PSG4: variants seen among roughly 807,000 people sequenced by gnomAD.
PSG4 encodes the protein pregnancy specific beta-1-glycoprotein 4.
Under a neutral mutation model 44.3 loss-of-function variants are expected in PSG4, and 61 were observed. The ratio of observed to expected loss-of-function variants is 1.38; its 90% CI spans 1.12 to 1.70. PSG4 has a LOEUF of 1.70. PSG4 is among the 40% of genes most tolerant of loss of function. The pLI, the probability that PSG4 is intolerant of heterozygous loss-of-function variation, is 0.00. For missense variants in PSG4, 677 were observed against 511.7 expected (o/e 1.32, Z -3.12); for synonymous variants, 248 against 191.3 (o/e 1.30, Z -2.45).
chr19:43,204,599 T>C (rs1967674120), intron 1 of PSG4: 2 of 280,776 alleles, frequency 7.1e-6, no homozygotes, highest in South Asian at 4.7e-5. Flanking sequence ...TCAGAGACCC[T>C]GGGTCTTCCC....
intron 3 of PSG4, 144 bp from the exon 4 acceptor site, chr19:43,195,417 G>A: frequency 7.2e-7 from 1 of 1,388,162 alleles, no homozygotes; most frequent in Non-Finnish European, 9.8e-7. Flanking sequence ...TCACAAGATA[G>A]ATGCATGATG....
Position 43,204,607 on chromosome 19 carries a change from C to A in PSG4, c.65-356G>T, listed in dbSNP as rs950935108. 19 of 256,106 alleles carry A rather than the reference C, an allele frequency of 7.4e-5. 5 individuals carry two copies. Among genetic ancestry groups the A allele is most frequent in the African/African-American group, 4.7e-4 (18 of 38,484 alleles). 15.9% of individuals were successfully genotyped at this position (256,106 alleles called of 1,614,324 possible). A position where few individuals can be genotyped will look rare whatever the true frequency, so the allele number is the denominator to read the frequency against. ...ACCTCCTTCAGAGACCCTGGGTCTT[C>A]CCTTTCTGACCTTTCCCTGCTCTCC... On this transcript the variant is annotated intron_variant, in intron 1 of 5. Transcript: ENST00000405312.
chr19:43,205,537 G>A lies in PSG4; in HGVS notation c.-1C>T, dbSNP rs759017541. On this transcript the variant is annotated 5_prime_UTR_variant, in exon 1 of 6. Coordinates refer to ENST00000405312, the MANE Select transcript of PSG4 (RefSeq NM_002780.5). ...AGGGAGGGGCTGAGAGGGGCCCCAT[G>A]GTCTCTGCTGCTTGTGTGTTCTCCT... The A allele has an allele frequency of 3.2e-6, 5 of 1,550,386 alleles. 1 individual carries two copies. Among genetic ancestry groups the A allele is most frequent in the African/African-American group, 3.0e-5 (2 of 67,706 alleles).
At chr19:43,194,927 A>G (rs1599766402) in intron 4 of PSG4, 68 bp downstream of exon 4, 1 of 1,587,708 alleles carries the variant, frequency 6.3e-7, no homozygotes, top group East Asian at 2.2e-5. Flanking sequence ...AGAGACTGAG[A>G]GACCTGGCCT....
rs1342774612 is a variant in PSG4, at chr19:43,195,127, C to A, written c.856G>T (p.Val286Leu). Residue 286 changes from valine (V) to leucine (L), a missense_variant, in exon 4 of 6, where the codon GTA (valine) becomes TTA (leucine). Transcript: ENST00000405312. The stretch of plus-strand genomic sequence containing the variant: ...ATCCTGTTTTCAATGGGTCGCTTTA[C>A]CCTGGGACTGACAGGGAGGCTCTGA... The part of the protein sequence containing the change: ...NGQSLPVSPR[V>L]KRPIENRILI... 9 of 1,610,494 alleles carry A rather than the reference C, an allele frequency of 5.6e-6. No homozygotes were observed. The highest frequency in any genetic ancestry group is 7.6e-6 in the Non-Finnish European group (9 of 1,179,082).
rs59165427 is a variant in PSG4 at position 43,205,111 on chromosome 19, C to CTTTTTTTTTTTTTTTTTTTTTTTTT, written c.64+361_64+362insAAAAAAAAAAAAAAAAAAAAAAAAA. Among the ~76,000 whole-genome samples, 31 of 90,842 alleles carry CTTTTTTTTTTTTTTTTTTTTTTTTT rather than the reference C, an allele frequency of 3.4e-4. 3 individuals carry two copies. Among genetic ancestry groups the CTTTTTTTTTTTTTTTTTTTTTTTTT allele is most frequent in the African/African-American group, 9.3e-4 (18 of 19,426 alleles). The allele number at this position is 90,842 out of a possible 152,430, so 59.6% of individuals were successfully genotyped here. A position where few individuals can be genotyped will look rare whatever the true frequency, so the allele number is the denominator to read the frequency against. ...TTCTTTTTTCTTTTTTTCCTTTTTTCTTTTTTTTTTTTTTGAGACGGAGTC... is the reference window on the plus strand; with the variant it reads ...TTCTTTTTTCTTTTTTTCCTTTTTTCTTTTTTTTTTTTTTTTTTTTTTTTTTTTTTTTTTTTTTTGAGACGGAGTC... On this transcript the variant is annotated intron_variant, in intron 1 of 5. Transcript: ENST00000405312.
chr19:43,198,572 C>G (rs1376468113), intron 2 of PSG4: 8 of 419,490 alleles, frequency 1.9e-5, no homozygotes, highest in Non-Finnish European at 2.7e-5. Context: ...TGAGTTCCTC[C>G]GTCTCCAACT....
chr19:43,194,280 C>G, intron 5 of PSG4, 60 bp downstream of exon 5: 1 of 1,610,356 alleles, frequency 6.2e-7, no homozygotes, highest in Non-Finnish European at 8.5e-7. Context: ...TCACTCTTCC[C>G]TGAATGCCAG....
chr19:43,197,783 C>G (rs1375735974), intron 3 of PSG4: 1 of 1,010,540 alleles, frequency 9.9e-7, no homozygotes. Flanking sequence ...GCTGTGGAAC[C>G]TGAGTCTCCC....
chr19:43,194,104 A>T, intron 5 of PSG4: 2 of 1,297,512 alleles, frequency 1.5e-6, no homozygotes, highest in Non-Finnish European at 2.1e-6. Flanking sequence ...AATTATTTCA[A>T]TGAAATCAAT....
At position 43,197,682 on chromosome 19, in the gene PSG4, G is replaced by T. The variant is rs1372949771; in HGVS notation, c.709+315C>A. On this transcript the variant is annotated intron_variant, in intron 3 of 5. Transcript: ENST00000405312. ...TGTGGAAGGGCCACAGTGACCCTGT[G>T]AGCCAAGTCGCAACACTGAAGTCCC... 35 of 449,380 alleles carry T rather than the reference G, an allele frequency of 7.8e-5. 1 individual carries two copies. The highest frequency in any genetic ancestry group is 1.1e-4 in the Non-Finnish European group (29 of 261,876). 27.8% of individuals were successfully genotyped at this position (449,380 alleles called of 1,614,324 possible).
intron 2 of PSG4, among the ~76,000 whole-genome samples, chr19:43,201,938 G>A (rs1172835343): frequency 2.1e-5 from 3 of 144,416 alleles, no homozygotes; most frequent in Non-Finnish European, 4.5e-5. Flanking sequence ...CTCACAAAGG[G>A]AAAGAGCCCT....
chr19:43,193,771 T>C (rs1967107484), intron 5 of PSG4: 1 of 531,628 alleles, frequency 1.9e-6, no homozygotes, highest in South Asian at 2.5e-5. Flanking sequence ...GAATATAACA[T>C]CCCAGTCAAA....
chr19:43,196,580 G>T (rs1231461435), intron 3 of PSG4: 1 of 151,522 alleles, frequency 6.6e-6, no homozygotes, highest in African/African-American at 2.4e-5. Context: ...TTCAGCATCA[G>T]ATTAGTAGGC....
chr19:43,197,698 C>G (rs929889738), intron 3 of PSG4: 18 of 518,794 alleles, frequency 3.5e-5, no homozygotes, highest in Middle Eastern at 5.4e-4. Context: ...AGTCGCAACA[C>G]TGAAGTCCCA....
chr19:43,195,394 G>A, intron 3 of PSG4, 121 bp from the exon 4 acceptor site: 1 of 1,457,034 alleles, frequency 6.9e-7, no homozygotes, highest in Non-Finnish European at 9.3e-7. Flanking sequence ...AAAGCCAATA[G>A]CTGGTGCTTC....
intron 3 of PSG4, 133 bp downstream of exon 3, chr19:43,197,864 A>T: frequency 6.4e-7 from 1 of 1,551,376 alleles, no homozygotes; most frequent in Non-Finnish European, 8.7e-7. Context: ...CTGGGGCAGA[A>T]AGTCATGGCC....
In PSG4 at chr19:43,201,778, G is replaced by A. The variant is rs554904271; in HGVS notation, c.430+2108C>T. On this transcript the variant is annotated intron_variant, in intron 2 of 5. Transcript: ENST00000405312. ...CCTCCTGTTTGGCAGACTTGGAGTC[G>A]TTAAAATCTTTCTTGACTAGAAACC... Among the ~76,000 whole-genome samples the A allele has an allele frequency of 6.4e-4, 92 of 144,514 alleles. 5 individuals carry two copies. Among genetic ancestry groups the A allele is most frequent in the African/African-American group, 2.2e-3 (83 of 37,466 alleles). 94.8% of individuals were successfully genotyped at this position (144,514 alleles called of 152,430 possible).
In PSG4 at chr19:43,195,046, G is replaced by T. The variant is rs145145983; in HGVS notation, c.937C>A (p.Arg313=). 1.9e-6 allele frequency: 3 copies of T among 1,611,694 alleles called. No homozygotes were observed. In the African/African-American group the frequency reaches 4.0e-5, roughly 22 times the overall value. ...CTGCGGATGCCACCATATCGGTCCC[G>T]TATTTCACATTGATAAGGTCCTGTT... ...NETGPYQCEI[R]DRYGGIRSDP... is the part of the protein sequence containing the mutation. The change falls in exon 4 of 6, where the codon CGG becomes AGG. Residue 313 remains arginine (R), a synonymous_variant. Coordinates refer to ENST00000405312, the MANE Select transcript of PSG4 (RefSeq NM_002780.5).
Sources: allele counts gnomAD v4.1 joint callset (sites outside exome capture counted in the v4.1 genomes callset), GRCh38; gene constraint gnomAD v4.1.1; transcripts MANE v1.5; gene names NCBI Gene and HGNC (gene_info 2026-07-23, HGNC 2026-07-21).